RABGAP1L: variants seen among roughly 807,000 people sequenced by gnomAD.
The protein encoded by RABGAP1L is RAB GTPase activating protein 1 like, also known as rab GTPase-activating protein 1-like.
RABGAP1L carries 63 observed loss-of-function variants against 137.7 expected under a neutral mutation model. The observed-to-expected ratio is 0.46, with a 90% CI of 0.37 to 0.56. The LOEUF (loss-of-function observed/expected upper bound fraction) is 0.56. Ranked by LOEUF, RABGAP1L falls within the 20% of genes least tolerant of loss-of-function variation. RABGAP1L has a pLI of 0.00. For synonymous variants in RABGAP1L, 431 were observed against 433.7 expected, an observed-to-expected ratio of 0.99 and a Z score of 0.08; for missense variants, 1,095 against 1,244.0, an observed-to-expected ratio of 0.88 and a Z score of 1.80.
chr1:174,551,002 A>G (rs1310888419), intron 13 of RABGAP1L, among the ~76,000 whole-genome samples: 40 of 105,124 alleles, frequency 3.8e-4, no homozygotes, highest in Admixed American at 2.8e-4. Context: ...ATATACACAT[A>G]TATATATATA....
In RABGAP1L at chr1:174,394,123, G is replaced by C. The variant is rs1647518528; in HGVS notation, c.1688G>C (p.Arg563Thr). ...GCHDNQAMLD[R>T]YRILITKDSA... ...CATGACAACCAGGCAATGCTGGATA[G>C]ATACCGAATTCTTATCACAAAGGTA... Residue 563 changes from arginine to threonine, a missense_variant, in exon 13 of 26, where the codon AGA becomes ACA. Arg to Thr is a moderately conservative substitution (Grantham distance 71). Transcript: ENST00000681986. The C allele has an allele frequency of 6.2e-7, 1 of 1,613,280 alleles. No homozygotes were observed. The highest frequency in any genetic ancestry group is 1.3e-5 in the African/African-American group (1 of 74,878).
intron 19 of RABGAP1L, among the ~76,000 whole-genome samples, chr1:174,822,448 G>A (rs1558116698): frequency 6.6e-6 from 1 of 152,182 alleles, no homozygotes; most frequent in Non-Finnish European, 1.5e-5. Flanking sequence ...TTGATAACAG[G>A]CAGAGGAAAC....
At chr1:174,822,028 C>T (rs904624612) in intron 19 of RABGAP1L, among the ~76,000 whole-genome samples, 8 of 152,106 alleles carry the variant, frequency 5.3e-5, no homozygotes, top group African/African-American at 1.2e-4. Flanking sequence ...TTTGGGAGGC[C>T]GAGGCGGGTG....
chr1:174,750,630 A>G (rs533053908), intron 17 of RABGAP1L, among the ~76,000 whole-genome samples: 20 of 152,294 alleles, frequency 1.3e-4, no homozygotes, highest in African/African-American at 4.8e-4. Context: ...GGCTACCATG[A>G]AAGGATTTGG....
intron 3 of RABGAP1L, among the ~76,000 whole-genome samples, chr1:174,225,087 A>T (rs1397567496): frequency 6.6e-6 from 1 of 152,030 alleles, no homozygotes; most frequent in Non-Finnish European, 1.5e-5. Context: ...AATGGTAGAC[A>T]TTTCCATACC....
intron 13 of RABGAP1L, among the ~76,000 whole-genome samples, chr1:174,531,781 T>C (rs1664434242): frequency 6.6e-6 from 1 of 151,750 alleles, no homozygotes; most frequent in South Asian, 2.1e-4. Context: ...AAACATATTA[T>C]TGAGTAATTG....
rs561756686 is a variant in RABGAP1L, at chr1:174,448,901, G to A, written c.1710+54756G>A. 1.5e-5 allele frequency: 24 copies of A among 1,613,610 alleles called. No individual in the cohort carries two copies. The highest frequency in any genetic ancestry group is 2.2e-5 in the East Asian group (1 of 44,884). ...TGGACACAGCCCTGACCGTCGCTAC[G>A]CCATGGTTTTGTTTAGGATAACCAG... On this transcript the variant is annotated intron_variant, in intron 13 of 25. Transcript: ENST00000681986. This position sits in a 1 kb window ranked among gnomAD's most constrained non-coding sequence, Gnocchi z 4.2.
chr1:174,887,781 T>A lies in RABGAP1L; in HGVS notation c.2341-69676T>A, dbSNP rs138320035. ...CCAGGTGCGGAGGCTCACACTGTAA[T>A]CCCAGCACTTTGGAAGGCTGAGGTG... On this transcript the variant is annotated intron_variant, in intron 19 of 25. Coordinates refer to ENST00000681986, the MANE Select transcript of RABGAP1L (RefSeq NM_001366446.1). Among the ~76,000 whole-genome samples, 455 of 152,304 alleles carry A rather than the reference T, an allele frequency of 3.0e-3. 3 individuals carry two copies. Among genetic ancestry groups the A allele is most frequent in the African/African-American group, 9.2e-3 (382 of 41,564 alleles).
At chr1:174,498,802 C>T (rs866595553) in intron 13 of RABGAP1L, among the ~76,000 whole-genome samples, 16 of 151,836 alleles carry the variant, frequency 1.1e-4, no homozygotes, top group African/African-American at 2.7e-4. Flanking sequence ...TGAGCCACCG[C>T]GCCTGGCCTG....
intron 1 of RABGAP1L, among the ~76,000 whole-genome samples, chr1:174,178,328 G>A (rs960467078): frequency 4.6e-5 from 7 of 152,156 alleles, no homozygotes; most frequent in African/African-American, 1.7e-4. Context: ...TGTATCCTGA[G>A]ACTTTGCCGA....
intron 13 of RABGAP1L, among the ~76,000 whole-genome samples, chr1:174,617,954 C>T (rs1421094137): frequency 4.6e-5 from 7 of 152,166 alleles, no homozygotes; most frequent in Non-Finnish European, 1.0e-4. Flanking sequence ...GAATACTGCA[C>T]TTTTCCAATG....
chr1:174,167,104 C>T (rs953394961), intron 1 of RABGAP1L, among the ~76,000 whole-genome samples: 2 of 152,218 alleles, frequency 1.3e-5, no homozygotes, highest in African/African-American at 2.4e-5. Flanking sequence ...CAATATAGCA[C>T]ACCCCAAACA....
intron 14 of RABGAP1L, among the ~76,000 whole-genome samples, chr1:174,659,422 C>T (rs1205989143): frequency 6.6e-6 from 1 of 152,158 alleles, no homozygotes; most frequent in Non-Finnish European, 1.5e-5. Flanking sequence ...CAGTCTTCTT[C>T]CTCCAGACCT....
chr1:174,548,519 T>G (rs1666201887), intron 13 of RABGAP1L: 1 of 959,668 alleles, frequency 1.0e-6, no homozygotes, highest in Non-Finnish European at 1.2e-6. Context: ...ACAAATGAAA[T>G]TATTCTGTAA....
At chr1:174,173,401 A>T (rs1429681262) in intron 1 of RABGAP1L, among the ~76,000 whole-genome samples, 1 of 152,140 alleles carries the variant, frequency 6.6e-6, no homozygotes, top group African/African-American at 2.4e-5. Flanking sequence ...AAGTGCTGGG[A>T]TTACAGGCGT....
chr1:174,645,839 T>C (rs1052112263), intron 14 of RABGAP1L, among the ~76,000 whole-genome samples: 9 of 152,272 alleles, frequency 5.9e-5, no homozygotes, highest in African/African-American at 1.9e-4. Context: ...GTAAAAGTGT[T>C]CCTGTTTCTC....
At chr1:174,526,396 G>A (rs1663876121) in intron 13 of RABGAP1L, among the ~76,000 whole-genome samples, 1 of 152,086 alleles carries the variant, frequency 6.6e-6, no homozygotes, top group Admixed American at 6.6e-5. Context: ...CAATTTCTTG[G>A]AATAGTTTGA....
chr1:174,462,569 T>C (rs944418837), intron 13 of RABGAP1L, among the ~76,000 whole-genome samples: 4 of 152,134 alleles, frequency 2.6e-5, no homozygotes, highest in African/African-American at 7.2e-5. Flanking sequence ...GGGCTATATG[T>C]GCAAGTTTAT....
intron 13 of RABGAP1L, among the ~76,000 whole-genome samples, chr1:174,627,506 T>A (rs1307098842): frequency 6.6e-6 from 1 of 152,218 alleles, no homozygotes; most frequent in East Asian, 1.9e-4. Flanking sequence ...TAACAGGCAC[T>A]AAATTGAACC....
Sources: gnomAD v4.1 joint callset for allele counts (sites outside exome capture counted in the v4.1 genomes callset) on GRCh38, gnomAD v4.1.1 for gene constraint, Gnocchi (gnomAD v3.1) non-coding constraint, MANE v1.5 for transcripts, NCBI Gene and HGNC (gene_info 2026-07-23, HGNC 2026-07-21) for gene names.